Variants in SEMA3A observed in about 807,000 individuals in gnomAD.
The protein encoded by SEMA3A is semaphorin 3A.
Under a neutral mutation model 97.9 loss-of-function variants are expected in SEMA3A, and 29 were observed. The ratio of observed to expected loss-of-function variants is 0.30; its 90% CI spans 0.22 to 0.40. The LOEUF (loss-of-function observed/expected upper bound fraction) is 0.40, where lower values mean the gene tolerates loss of function less well. Among genes scored for constraint, SEMA3A ranks in the 10% least tolerant of loss-of-function variants. The probability of loss-of-function intolerance (pLI) is 1.00; values close to 1 mark genes in which losing one functional copy is unlikely to be tolerated. For synonymous variants in SEMA3A, 321 were observed against 323.7 expected (o/e 0.99, Z 0.09); for missense variants, 763 against 951.3 (o/e 0.80, Z 2.60).
At position 84,365,100 on chromosome 7, in the gene SEMA3A, T is replaced by C. The variant is rs60294602; in HGVS notation, c.-169+6724A>G. 0.011 allele frequency among the ~76,000 whole-genome samples: 1,715 copies of C among 151,502 alleles called. 49 individuals carry two copies. The East Asian group carries it at 0.12, about 10-fold the overall frequency. On this transcript the variant is annotated intron_variant, in intron 2 of 3. Coordinates refer to the SEMA3A transcript ENST00000424555. ...ATAATAATAATTAGGAATAGTAATA[T>C]AGGAGATAAAGTCAATTCAATCCTG...
intron 3 of SEMA3A, among the ~76,000 whole-genome samples, chr7:84,254,457 G>C (rs920983301): frequency 1.3e-5 from 2 of 152,160 alleles, no homozygotes; most frequent in African/African-American, 4.8e-5. Context: ...AGAGCTGAGT[G>C]CTATGATCTA....
chr7:84,064,092 A>T (rs1583902948), intron 4 of SEMA3A, among the ~76,000 whole-genome samples: 1 of 152,224 alleles, frequency 6.6e-6, no homozygotes, highest in African/African-American at 2.4e-5. Flanking sequence ...CCTACAAGCC[A>T]GAAGAGAGGG....
At chr7:84,329,785 CAG>C (rs1287766998) in intron 2 of SEMA3A, among the ~76,000 whole-genome samples, 1 of 152,104 alleles carries the variant, frequency 6.6e-6, no homozygotes, top group Middle Eastern at 3.4e-3. Context: ...AGAGGGAACA[CAG>C]TGTATAATTT....
At position 84,334,798 on chromosome 7, in the gene SEMA3A, T is replaced by A. The variant is rs189130821; in HGVS notation, c.-168-27506A>T. Among the ~76,000 whole-genome samples the A allele has an allele frequency of 3.8e-4, 57 of 150,000 alleles. 1 individual carries two copies. The highest frequency in any genetic ancestry group is 8.6e-4 in the South Asian group (4 of 4,630). On this transcript the variant is annotated intron_variant, in intron 2 of 3. Coordinates refer to the SEMA3A transcript ENST00000424555. ...TTGTTTTCCTCTCACTCACAACCCC[T>A]GCCCTCCCACCACTCCCACCCTCCC...
At chr7:84,102,586 C>T (rs916044623) in intron 4 of SEMA3A, among the ~76,000 whole-genome samples, 12 of 75,496 alleles carry the variant, frequency 1.6e-4, no homozygotes, top group South Asian at 1.2e-3. Context: ...ATTGCATTAT[C>T]GCTTTTTTTT....
intron 6 of SEMA3A, among the ~76,000 whole-genome samples, chr7:84,019,150 C>G (rs779747107): frequency 2.6e-5 from 4 of 151,710 alleles, no homozygotes; most frequent in Admixed American, 6.6e-5. Flanking sequence ...TGAGAAAAAT[C>G]ATAAAAAAGA....
chr7:84,384,499 T>C (rs1411716605), intron 1 of SEMA3A, among the ~76,000 whole-genome samples: 6 of 152,166 alleles, frequency 3.9e-5, no homozygotes, highest in African/African-American at 1.4e-4. Flanking sequence ...TTTTTTTATA[T>C]AGTAATCTAA....
At chr7:84,358,161 T>C (rs1216241143) in intron 2 of SEMA3A, among the ~76,000 whole-genome samples, 1 of 152,236 alleles carries the variant, frequency 6.6e-6, no homozygotes, top group African/African-American at 2.4e-5. Context: ...TTTGTCAATT[T>C]TGGCTTTTGT....
At chr7:84,290,385 A>G (rs1178259765) in intron 3 of SEMA3A, among the ~76,000 whole-genome samples, 1 of 151,690 alleles carries the variant, frequency 6.6e-6, no homozygotes, top group African/African-American at 2.4e-5. Flanking sequence ...TATCTTTTAT[A>G]TTGCTTTCCA....
intron 1 of SEMA3A, among the ~76,000 whole-genome samples, chr7:84,191,235 A>T (rs931324197): frequency 2.6e-5 from 4 of 151,060 alleles, no homozygotes; most frequent in African/African-American, 9.7e-5. Flanking sequence ...CTGAAAAAAA[A>T]AAAAAACAAC....
intron 1 of SEMA3A, among the ~76,000 whole-genome samples, chr7:84,413,712 G>A (rs543728475): frequency 3.9e-5 from 6 of 151,978 alleles, no homozygotes; most frequent in South Asian, 2.1e-4. Context: ...TTGAAATTGC[G>A]TATGTAGAGA....
intron 4 of SEMA3A, among the ~76,000 whole-genome samples, chr7:84,065,510 G>A (rs1793443737): frequency 6.7e-6 from 1 of 150,302 alleles, no homozygotes; most frequent in African/African-American, 2.5e-5. Context: ...CAACAAAATT[G>A]ATAGACCGCT....
intron 15 of SEMA3A, among the ~76,000 whole-genome samples, chr7:83,969,757 G>A (rs1788846244): frequency 6.6e-6 from 1 of 152,082 alleles, no homozygotes; most frequent in African/African-American, 2.4e-5. Context: ...TTGAGAGAGG[G>A]TGGGAGATAA....
intron 6 of SEMA3A, among the ~76,000 whole-genome samples, chr7:84,016,554 A>T (rs1489827673): frequency 6.6e-6 from 1 of 151,664 alleles, no homozygotes; most frequent in Non-Finnish European, 1.5e-5. Flanking sequence ...AAAAAAAAGA[A>T]AAAAAAAGAA....
intron 2 of SEMA3A, among the ~76,000 whole-genome samples, chr7:84,325,178 A>G (rs1011413913): frequency 6.6e-6 from 1 of 151,938 alleles, no homozygotes; most frequent in Non-Finnish European, 1.5e-5. Flanking sequence ...TAAAACAATT[A>G]TTTAGTTGGG....
chr7:84,058,991 G>A (rs1793108721), intron 5 of SEMA3A, among the ~76,000 whole-genome samples: 1 of 152,132 alleles, frequency 6.6e-6, no homozygotes, highest in Non-Finnish European at 1.5e-5. Context: ...AGTCCCTACT[G>A]AGAAACATAC....
intron 3 of SEMA3A, among the ~76,000 whole-genome samples, chr7:84,246,390 C>T (rs980110557): frequency 5.9e-5 from 9 of 152,166 alleles, no homozygotes; most frequent in South Asian, 2.1e-4. Flanking sequence ...CTTAAACTTA[C>T]GTATGTCAAA....
intron 1 of SEMA3A, among the ~76,000 whole-genome samples, chr7:84,154,691 C>CAAAAAAAAAAAAA (rs76502594): frequency 9.2e-6 from 1 of 108,424 alleles, no homozygotes. Context: ...AAAAAAAAAA[C>CAAAAAAAAAAAAA]AAAAAAAAAA....
chr7:84,161,634 T>C (rs908468121), intron 1 of SEMA3A, among the ~76,000 whole-genome samples: 1 of 152,134 alleles, frequency 6.6e-6, no homozygotes, highest in African/African-American at 2.4e-5. Context: ...CTTTTGGACA[T>C]TGTAGGAATG....
Sources: gnomAD v4.1 joint callset for allele counts (sites outside exome capture counted in the v4.1 genomes callset) on GRCh38, gnomAD v4.1.1 for gene constraint, MANE v1.5 for transcripts, NCBI Gene and HGNC (gene_info 2026-07-23, HGNC 2026-07-21) for gene names.